The following PSAP variants were observed in gnomAD, a reference collection of about 807,000 sequenced individuals.
PSAP encodes precursor of saposins.
Under a neutral mutation model 66.0 loss-of-function variants are expected in PSAP, and 25 were observed. The ratio of observed to expected loss-of-function variants is 0.38; its 90% CI spans 0.28 to 0.53. PSAP has a LOEUF of 0.53. Among genes scored for constraint, PSAP ranks in the 20% least tolerant of loss-of-function variants. The probability of loss-of-function intolerance (pLI) is 0.83; values close to 1 mark genes in which losing one functional copy is unlikely to be tolerated. For missense variants in PSAP, 649 were observed against 668.8 expected (o/e 0.97, Z 0.33); for synonymous variants, 273 against 258.9 (o/e 1.05, Z -0.52).
rs1350157412 is a variant in PSAP, at chr10:71,819,459, G to C, written c.1350+6C>G. 1.2e-6 allele frequency: 2 copies of C among 1,613,898 alleles called. No homozygotes were observed. Among genetic ancestry groups the C allele is most frequent in the Non-Finnish European group, 1.7e-6 (2 of 1,180,042 alleles). On this transcript the variant is annotated splice_donor_region_variant and intron_variant, in intron 11 of 13. Coordinates refer to ENST00000394936, the MANE Select transcript of PSAP (RefSeq NM_002778.4). Reference sequence around the variant, plus strand: ...CTGGCCTACCGCAGCCCAGCCCGGGGCGTACCTGCTTCTGGTAAGGGTCTG... The same window carrying C: ...CTGGCCTACCGCAGCCCAGCCCGGGCCGTACCTGCTTCTGGTAAGGGTCTG...
chr10:71,847,432 T>C (rs1441802201), intron 1 of PSAP, among the ~76,000 whole-genome samples: 1 of 152,064 alleles, frequency 6.6e-6, no homozygotes, highest in African/African-American at 2.4e-5. Flanking sequence ...CCTATAATCC[T>C]AGCTACTCGG....
chr10:71,848,167 A>G (rs1344865309), intron 1 of PSAP, among the ~76,000 whole-genome samples: 3 of 152,148 alleles, frequency 2.0e-5, no homozygotes, highest in Non-Finnish European at 4.4e-5. Context: ...AAGGTTAACA[A>G]TGTTTCCTTC....
At chr10:71,820,427 G>A (rs1842277136) in intron 8 of PSAP, 92 bp from the exon 9 acceptor site, 2 of 1,082,958 alleles carry the variant, frequency 1.8e-6, no homozygotes, top group South Asian at 2.5e-5. Flanking sequence ...CAGAGACCAG[G>A]GTGGGTTAGC....
Position 71,816,787 on chromosome 10 carries a change from C to A in PSAP, c.*654G>T, listed in dbSNP as rs41282246. 4.3e-4 allele frequency: 93 copies of A among 218,220 alleles called. No individual in the cohort carries two copies. Among genetic ancestry groups the A allele is most frequent in the Non-Finnish European group, 7.6e-4 (79 of 104,198 alleles). The allele number at this position is 218,220 out of a possible 1,614,324, so 13.5% of individuals were successfully genotyped here. The stretch of plus-strand genomic sequence containing the variant: ...CAAACCCACAGAACCCCAAACAAGG[C>A]ATCACCAGGAAAGACACGGGAAAGC... On this transcript the variant is annotated 3_prime_UTR_variant, in exon 14 of 14. Coordinates refer to ENST00000394936, the MANE Select transcript of PSAP (RefSeq NM_002778.4).
rs777561159 is a variant in PSAP, at chr10:71,817,481, T to C, written c.1540-5A>G. 13 of 1,613,944 alleles carry C rather than the reference T, an allele frequency of 8.1e-6. No individual in the cohort carries two copies. Among genetic ancestry groups the C allele is most frequent in the Middle Eastern group, 3.3e-4 (2 of 6,076 alleles). On this transcript the variant is annotated splice_region_variant and splice_polypyrimidine_tract_variant and intron_variant, in intron 13 of 13. Coordinates refer to ENST00000394936, the MANE Select transcript of PSAP (RefSeq NM_002778.4). Reference sequence around the variant, plus strand: ...GCGTTTGCAATGCTCGACAGCCTGGTAGGAGAGAGGAAGCTGAGTTTAGTC... The same window carrying C: ...GCGTTTGCAATGCTCGACAGCCTGGCAGGAGAGAGGAAGCTGAGTTTAGTC...
At chr10:71,818,987 G>A in intron 12 of PSAP, 44 bp downstream of exon 12, 2 of 1,564,276 alleles carry the variant, frequency 1.3e-6, no homozygotes, top group Non-Finnish European at 1.8e-6. Context: ...CAGCCCCCCA[G>A]GTTACAGCTG....
chr10:71,821,850 C>T (rs1842305452), intron 8 of PSAP, 26 bp downstream of exon 8: 1 of 1,613,990 alleles, frequency 6.2e-7, no homozygotes, highest in African/African-American at 1.3e-5. Flanking sequence ...ACAGCCCTGA[C>T]CAGGACACAA....
At chr10:71,820,680 G>A (rs539860947) in intron 8 of PSAP, among the ~76,000 whole-genome samples, 1 of 148,016 alleles carries the variant, frequency 6.8e-6, no homozygotes, top group East Asian at 2.1e-4. Flanking sequence ...GTTCATTTTG[G>A]GGAGGAGGAT....
At chr10:71,834,557 C>A in intron 1 of PSAP, 52 bp from the exon 2 acceptor site, 1 of 1,603,396 alleles carries the variant, frequency 6.2e-7, no homozygotes, top group South Asian at 1.1e-5. Flanking sequence ...CAAACCAGGT[C>A]GACCTGACTT....
chr10:71,833,424 C>G (rs1842559301), intron 2 of PSAP, among the ~76,000 whole-genome samples: 1 of 152,222 alleles, frequency 6.6e-6, no homozygotes, highest in East Asian at 1.9e-4. Flanking sequence ...TGCCACTGCA[C>G]TCCAGCCTAG....
chr10:71,832,021 G>T (rs983455275), intron 2 of PSAP, 101 bp from the exon 3 acceptor site: 2 of 1,203,878 alleles, frequency 1.7e-6, no homozygotes, highest in African/African-American at 1.5e-5. Flanking sequence ...CTCTAACCAG[G>T]GATATGATCA....
At chr10:71,838,451 G>C (rs1042451684) in intron 1 of PSAP, among the ~76,000 whole-genome samples, 1 of 152,250 alleles carries the variant, frequency 6.6e-6, no homozygotes, top group African/African-American at 2.4e-5. Flanking sequence ...TCTCCAAGGA[G>C]GGGGAGAATC....
chr10:71,825,039 T>C (rs1035837562), intron 7 of PSAP, among the ~76,000 whole-genome samples: 15 of 152,188 alleles, frequency 9.9e-5, no homozygotes, highest in Admixed American at 5.9e-4. Context: ...CCATAAGATC[T>C]GGCTGCAACT....
chr10:71,825,570 CTGG>C, intron 7 of PSAP: 2 of 532,828 alleles, frequency 3.8e-6, no homozygotes, highest in Non-Finnish European at 7.1e-6. Context: ...AACCTGATGG[CTGG>C]CCTGAACGGG....
At chr10:71,848,250 G>A (rs978686012) in intron 1 of PSAP, among the ~76,000 whole-genome samples, 3 of 152,192 alleles carry the variant, frequency 2.0e-5, no homozygotes, top group East Asian at 1.9e-4. Context: ...CCCCAACCTC[G>A]GGGGCTGCTC....
chr10:71,818,887 G>A (rs1379736671), intron 12 of PSAP, 144 bp downstream of exon 12: 3 of 1,014,940 alleles, frequency 3.0e-6, no homozygotes, highest in East Asian at 2.6e-5. Flanking sequence ...GGCTTGGGGG[G>A]CTGGCTCCCT....
intron 1 of PSAP, among the ~76,000 whole-genome samples, chr10:71,847,416 T>C (rs939832644): frequency 6.6e-6 from 1 of 152,120 alleles, no homozygotes; most frequent in African/African-American, 2.4e-5. Context: ...GGCATGGTGG[T>C]GGGCACCTAT....
chr10:71,834,591 T>C, intron 1 of PSAP, 86 bp from the exon 2 acceptor site: 3 of 1,542,158 alleles, frequency 1.9e-6, no homozygotes, highest in South Asian at 1.2e-5. Flanking sequence ...TGAGGGCGAC[T>C]GTCCTTGAGC....
rs111780511 is a variant in PSAP, at chr10:71,848,011, C to A, written c.40+3171G>T. Among the ~76,000 whole-genome samples the A allele has an allele frequency of 2.9e-3, 445 of 152,340 alleles. 1 individual carries two copies. In the Middle Eastern group the frequency reaches 0.034, roughly 12 times the overall value. On this transcript the variant is annotated intron_variant, in intron 1 of 13. Transcript: ENST00000394936. The stretch of plus-strand genomic sequence containing the variant: ...GCATCTAAGCTTCAGGGAGCACCTG[C>A]CACATCCCAGGCACCATCCCTCATG...
Sources: allele counts gnomAD v4.1 joint callset (sites outside exome capture counted in the v4.1 genomes callset), GRCh38; gene constraint gnomAD v4.1.1; transcripts MANE v1.5; gene names NCBI Gene and HGNC (gene_info 2026-07-23, HGNC 2026-07-21).